Variants in NCKAP5 observed in about 807,000 individuals in gnomAD.
The protein encoded by NCKAP5 is nck-associated protein 5.
A neutral mutation model predicts 167.0 loss-of-function variants in NCKAP5; 92 were observed. That is an observed-to-expected ratio of 0.55 (90% CI 0.47 to 0.66). NCKAP5 has a LOEUF of 0.66. Ranked by LOEUF, NCKAP5 falls within the 30% of genes least tolerant of loss-of-function variation. NCKAP5 has a pLI of 0.00. For missense variants in NCKAP5, 2,378 were observed against 2,315.0 expected (o/e 1.03, Z -0.56); for synonymous variants, 891 against 877.4 (o/e 1.02, Z -0.27).
At chr2:132,860,362 G>T in intron 11 of NCKAP5, 130 bp downstream of exon 11, 1 of 1,096,160 alleles carries the variant, frequency 9.1e-7, no homozygotes, top group Non-Finnish European at 1.3e-6. Flanking sequence ...GACATAACTT[G>T]AGAAAGGAAA....
the NCKAP5 span, among the ~76,000 whole-genome samples, chr2:133,673,100 A>G: frequency 6.6e-6 from 1 of 152,158 alleles, no homozygotes. Context: ...TGTTAACCTG[A>G]TGAGCCACTC....
At chr2:133,555,724 G>T (rs1452242981) in intron 2 of NCKAP5, among the ~76,000 whole-genome samples, 2 of 152,156 alleles carry the variant, frequency 1.3e-5, no homozygotes, top group African/African-American at 4.8e-5. Flanking sequence ...TTGGGCATTA[G>T]ATCTGAGATA....
rs762756172 is a variant in NCKAP5 at position 133,129,995 on chromosome 2, C to A, written c.324G>T (p.Leu108Phe). ...SERNRIQMRS[L>F]QQQFSRMEET... The stretch of plus-strand genomic sequence containing the variant: ...AACAATACCTGGAGAACTGCTGCTG[C>A]AAGCTACGCATCTGAATTCTGTTGC... The change falls in exon 6 of 20, where the codon TTG (leucine) becomes TTT (phenylalanine). Residue 108 changes from leucine to phenylalanine, a missense_variant. By Grantham distance (22) the Leu-to-Phe change is conservative. Transcript: ENST00000409261. The A allele has an allele frequency of 6.2e-7, 1 of 1,606,806 alleles. No homozygotes were observed. Among genetic ancestry groups the A allele is most frequent in the Admixed American group, 1.7e-5 (1 of 58,130 alleles).
At position 133,028,061 on chromosome 2, in the gene NCKAP5, T is replaced by C. The variant is rs192253127; in HGVS notation, c.342-33822A>G. Reference sequence around the variant, plus strand: ...GTATTTTGTATTTCAGATTTTTGGATTTGGAATGCTCAACCAGTAAGTACA... The same window carrying C: ...GTATTTTGTATTTCAGATTTTTGGACTTGGAATGCTCAACCAGTAAGTACA... On this transcript the variant is annotated intron_variant, in intron 6 of 19. Transcript: ENST00000409261. 2.1e-3 allele frequency among the ~76,000 whole-genome samples: 318 copies of C among 152,294 alleles called. 4 individuals are homozygous for C. The highest frequency in any genetic ancestry group is 7.3e-3 in the African/African-American group (303 of 41,562).
At chr2:133,441,150 A>T (rs1225004695) in intron 3 of NCKAP5, among the ~76,000 whole-genome samples, 2 of 151,722 alleles carry the variant, frequency 1.3e-5, no homozygotes, top group African/African-American at 4.8e-5. Flanking sequence ...TCTAGGTCTA[A>T]TTTTTTCCTT....
intron 11 of NCKAP5, among the ~76,000 whole-genome samples, chr2:132,850,326 G>C (rs1271059409): frequency 6.6e-6 from 1 of 152,046 alleles, no homozygotes; most frequent in East Asian, 1.9e-4. Flanking sequence ...CTGATTCATT[G>C]AACACCACTG....
chr2:132,801,402 A>G (rs1685020371), intron 11 of NCKAP5, among the ~76,000 whole-genome samples: 1 of 152,208 alleles, frequency 6.6e-6, no homozygotes, highest in Non-Finnish European at 1.5e-5. Context: ...GCATGTTTCT[A>G]TGTATATATG....
chr2:132,998,774 C>T lies in NCKAP5; in HGVS notation c.342-4535G>A, dbSNP rs201613331. Among the ~76,000 whole-genome samples the T allele has an allele frequency of 5.1e-4, 78 of 152,248 alleles. No individual in the cohort carries two copies. The East Asian group carries it at 8.7e-3, about 17-fold the overall frequency. On this transcript the variant is annotated intron_variant, in intron 6 of 19. Coordinates refer to ENST00000409261, the MANE Select transcript of NCKAP5 (RefSeq NM_207363.3). ...TACTAGCCAGCACATAGTACAGTTC[C>T]ACCATCTGTCTCCCCAATATGATTA...
chr2:133,632,974 G>C, the NCKAP5 span, among the ~76,000 whole-genome samples: 1 of 152,168 alleles, frequency 6.6e-6, no homozygotes, highest in Non-Finnish European at 1.5e-5. Context: ...TGGACACACC[G>C]GTAGCTTGGC....
chr2:132,890,978 C>T lies in NCKAP5; in HGVS notation c.580-12062G>A, dbSNP rs924193148. On this transcript the variant is annotated intron_variant, in intron 8 of 19. Transcript: ENST00000409261. Reference sequence around the variant, plus strand: ...ACAATGTCCTTATTCTTGGACTCAACCCATTAGGTTTAGGACCAGCACAAG... The same window carrying T: ...ACAATGTCCTTATTCTTGGACTCAATCCATTAGGTTTAGGACCAGCACAAG... Among the ~76,000 whole-genome samples, 3 of 152,174 alleles carry T rather than the reference C, an allele frequency of 2.0e-5. No homozygotes were observed. The East Asian group carries it at 5.8e-4, about 29-fold the overall frequency.
At chr2:133,251,451 G>A (rs139347430) in intron 4 of NCKAP5, among the ~76,000 whole-genome samples, 1,725 of 152,180 alleles carry the variant, frequency 0.011, 15 homozygotes, top group Middle Eastern at 0.027. Context: ...TGAATTTGCC[G>A]GACTTTATTT....
intron 6 of NCKAP5, among the ~76,000 whole-genome samples, chr2:133,126,050 C>T (rs531722829): frequency 5.3e-5 from 8 of 152,212 alleles, no homozygotes; most frequent in Non-Finnish European, 1.0e-4. Flanking sequence ...TTCAGGCTTG[C>T]CTGGTGCCTT....
At chr2:132,919,751 GA>G (rs1454385488) in intron 8 of NCKAP5, among the ~76,000 whole-genome samples, 1 of 152,100 alleles carries the variant, frequency 6.6e-6, no homozygotes, top group Non-Finnish European at 1.5e-5. Context: ...ATCTCTAGAA[GA>G]TGACATCTAT....
At chr2:132,888,261 C>T (rs1394679187) in intron 8 of NCKAP5, among the ~76,000 whole-genome samples, 3 of 152,156 alleles carry the variant, frequency 2.0e-5, no homozygotes, top group African/African-American at 7.2e-5. Flanking sequence ...GTCATACACA[C>T]ATGTGGATAT....
In NCKAP5 at chr2:133,077,293, A is replaced by G. The variant is rs186182265; in HGVS notation, c.341+52685T>C. Reference sequence around the variant, plus strand: ...ATTCTATCTTTAGGATTCCAAGATAATATGTTTGAGCTAAGTCCAACTGGA... The same window carrying G: ...ATTCTATCTTTAGGATTCCAAGATAGTATGTTTGAGCTAAGTCCAACTGGA... On this transcript the variant is annotated intron_variant, in intron 6 of 19. Transcript: ENST00000409261. Among the ~76,000 whole-genome samples, 98 of 152,304 alleles carry G rather than the reference A, an allele frequency of 6.4e-4. 1 individual carries two copies. The highest frequency in any genetic ancestry group is 5.1e-3 in the Admixed American group (78 of 15,290).
chr2:132,959,533 C>G (rs1289455741), intron 8 of NCKAP5, among the ~76,000 whole-genome samples: 1 of 152,112 alleles, frequency 6.6e-6, no homozygotes, highest in Non-Finnish European at 1.5e-5. Flanking sequence ...CAGTTGGTCC[C>G]TGAGTGGAGA....
At chr2:133,658,563 A>G in the NCKAP5 span, among the ~76,000 whole-genome samples, 1 of 152,144 alleles carries the variant, frequency 6.6e-6, no homozygotes, top group Non-Finnish European at 1.5e-5. Context: ...TGTGTGATAC[A>G]GAGAGTGGGC....
At chr2:133,106,297 A>AC (rs2081695404) in intron 6 of NCKAP5, among the ~76,000 whole-genome samples, 1 of 150,502 alleles carries the variant, frequency 6.6e-6, no homozygotes, top group African/African-American at 2.4e-5. Flanking sequence ...CGTCTCAAAA[A>AC]AAAAAAAAAA....
chr2:132,903,880 G>A (rs1693810809), intron 8 of NCKAP5, among the ~76,000 whole-genome samples: 1 of 152,104 alleles, frequency 6.6e-6, no homozygotes, highest in African/African-American at 2.4e-5. Flanking sequence ...TACCATTAAT[G>A]TTATAATGTA....
Sources: allele counts gnomAD v4.1 joint callset (sites outside exome capture counted in the v4.1 genomes callset), GRCh38; gene constraint gnomAD v4.1.1; transcripts MANE v1.5; gene names NCBI Gene and HGNC (gene_info 2026-07-23, HGNC 2026-07-21).